B4GALT1: variants seen among roughly 807,000 people sequenced by gnomAD.
B4GALT1 encodes N-acetyllactosamine synthase.
In B4GALT1, 16 loss-of-function variants were observed where a neutral mutation model predicts 34.9. That is an observed-to-expected ratio of 0.46 (90% CI 0.31 to 0.70). The LOEUF is 0.70. B4GALT1 is among the 30% of genes least tolerant of loss of function. The probability of loss-of-function intolerance (pLI) is 0.05; values close to 1 mark genes in which losing one functional copy is unlikely to be tolerated. For synonymous variants in B4GALT1, 221 were observed against 218.1 expected, an observed-to-expected ratio of 1.01 and a Z score of -0.12; for missense variants, 445 against 530.5, an observed-to-expected ratio of 0.84 and a Z score of 1.58.
intron 1 of B4GALT1, among the ~76,000 whole-genome samples, chr9:33,165,702 C>T (rs1268412502): frequency 6.6e-6 from 1 of 152,176 alleles, no homozygotes; most frequent in Non-Finnish European, 1.5e-5. Context: ...TTATCTAAAA[C>T]CTAGCATTAG....
chr9:33,154,145 TATACACC>T lies in B4GALT1; in HGVS notation c.412+12606_412+12612del, dbSNP rs1353976761. ...CAATCCAGCAACAAATAAAAAGAAT[TATACACC>T]ATGACCAAGTGGGATTTATCCCAGG... On this transcript the variant is annotated intron_variant, in intron 1 of 5. Transcript: ENST00000379731. Among the ~76,000 whole-genome samples the T allele has an allele frequency of 2.0e-5, 3 of 152,164 alleles. No homozygotes were observed. The East Asian group carries it at 5.8e-4, about 29-fold the overall frequency.
intron 1 of B4GALT1, among the ~76,000 whole-genome samples, chr9:33,136,814 C>T (rs778386110): frequency 2.0e-5 from 3 of 152,232 alleles, no homozygotes; most frequent in Non-Finnish European, 2.9e-5. Flanking sequence ...AAACCTGAAA[C>T]ATGCTGGTGA....
intron 1 of B4GALT1, among the ~76,000 whole-genome samples, chr9:33,148,146 T>C (rs1365382726): frequency 2.0e-5 from 3 of 152,016 alleles, no homozygotes; most frequent in Non-Finnish European, 4.4e-5. Context: ...CCTGCATATC[T>C]TCAAGAAAAA....
chr9:33,134,885 G>A (rs189225939), intron 2 of B4GALT1, among the ~76,000 whole-genome samples: 8 of 152,326 alleles, frequency 5.3e-5, no homozygotes, highest in African/African-American at 1.9e-4. Context: ...TAATCAGTGT[G>A]TACTTTGGAA....
At chr9:33,152,309 AATAACATAAC>A (rs370702963) in intron 1 of B4GALT1, among the ~76,000 whole-genome samples, 4,660 of 122,010 alleles carry the variant, frequency 0.038, 124 homozygotes, top group African/African-American at 0.063. Context: ...CTCTCCAAAA[AATAACATAAC>A]ATAACATAAC....
At chr9:33,136,983 C>T (rs913950391) in intron 1 of B4GALT1, among the ~76,000 whole-genome samples, 50 of 130,040 alleles carry the variant, frequency 3.8e-4, no homozygotes, top group Non-Finnish European at 5.1e-4. Context: ...AGATAGCTGC[C>T]ACTTCCACCC....
At chr9:33,131,710 C>T (rs1420082510) in intron 2 of B4GALT1, among the ~76,000 whole-genome samples, 1 of 152,190 alleles carries the variant, frequency 6.6e-6, no homozygotes, top group Non-Finnish European at 1.5e-5. Context: ...GGTTTATTTG[C>T]TCAACAAACA....
At chr9:33,133,766 G>A (rs546295584) in intron 2 of B4GALT1, among the ~76,000 whole-genome samples, 2 of 152,150 alleles carry the variant, frequency 1.3e-5, no homozygotes, top group African/African-American at 4.8e-5. Context: ...CTTGTAACAG[G>A]GCTTGTTCTG....
chr9:33,116,255 C>T (rs560582824), intron 3 of B4GALT1, 142 bp from the exon 4 acceptor site: 19 of 1,101,436 alleles, frequency 1.7e-5, no homozygotes, highest in Admixed American at 9.2e-5. Flanking sequence ...TTTTTTGAGA[C>T]GTAGTCTTGC....
In B4GALT1 at chr9:33,134,864, A is replaced by T. The variant is rs62544384; in HGVS notation, c.648+325T>A. Among the ~76,000 whole-genome samples, 6,225 of 152,328 alleles carry T rather than the reference A, an allele frequency of 0.041. 163 individuals carry two copies. Among genetic ancestry groups the T allele is most frequent in the Non-Finnish European group, 0.062 (4,238 of 68,018 alleles). ...TAAAAGGAAAATACACAGCTACACA[A>T]AGCCAGGGAATAATCAGTGTGTACT... On this transcript the variant is annotated intron_variant, in intron 2 of 5. Coordinates refer to ENST00000379731, the MANE Select transcript of B4GALT1 (RefSeq NM_001497.4).
the B4GALT1 span, among the ~76,000 whole-genome samples, chr9:33,181,937 G>A: frequency 2.0e-5 from 3 of 148,604 alleles, no homozygotes; most frequent in Non-Finnish European, 4.4e-5. Context: ...GCAGGGACAG[G>A]CTTCTTCTTC....
At chr9:33,177,176 A>G in the B4GALT1 span, among the ~76,000 whole-genome samples, 3 of 152,160 alleles carry the variant, frequency 2.0e-5, no homozygotes, top group Admixed American at 6.5e-5. Flanking sequence ...TTTTGCCTAG[A>G]AATCTCCATA....
At position 33,112,961 on chromosome 9, in the gene B4GALT1, G is replaced by C. The variant is rs181621586; in HGVS notation, c.*493C>G. 18 of 244,214 alleles carry C rather than the reference G, an allele frequency of 7.4e-5. No homozygotes were observed. The highest frequency in any genetic ancestry group is 4.1e-4 in the African/African-American group (18 of 43,952). 15.1% of individuals were successfully genotyped at this position (244,214 alleles called of 1,614,324 possible). A position where few individuals can be genotyped will look rare whatever the true frequency, so the allele number is the denominator to read the frequency against. The stretch of plus-strand genomic sequence containing the variant: ...AGTGGTTGCATACCACTGAAAGAAG[G>C]GGGTGGGGGGAGGACGTAACATTAA... On this transcript the variant is annotated 3_prime_UTR_variant, in exon 6 of 6. Coordinates refer to ENST00000379731, the MANE Select transcript of B4GALT1 (RefSeq NM_001497.4).
At chr9:33,150,150 TACAC>T (rs1554687988) in intron 1 of B4GALT1, among the ~76,000 whole-genome samples, 4 of 119,836 alleles carry the variant, frequency 3.3e-5, no homozygotes, top group African/African-American at 1.3e-4. Context: ...TATAGATATA[TACAC>T]ACACACATAT....
Position 33,113,557 on chromosome 9 carries a change from G to A in B4GALT1, c.1094C>T (p.Thr365Ile). The A allele has an allele frequency of 1.9e-6, 3 of 1,614,238 alleles. No homozygotes were observed. Among genetic ancestry groups the A allele is most frequent in the Non-Finnish European group, 1.7e-6 (2 of 1,180,054 alleles). Residue 365 changes from threonine (T) to isoleucine (I), a missense_variant, in exon 6 of 6, where the codon ACA (threonine) becomes ATA (isoleucine). Around this residue, in one of 3 missense-constraint regions of B4GALT1, gnomAD observed 89 missense variants for 107.6 expected, o/e 0.83. Coordinates refer to ENST00000379731, the MANE Select transcript of B4GALT1 (RefSeq NM_001497.4). ...RFDRIAHTKETMLSDGLNSLT... is the reference protein window; with the variant it reads ...RFDRIAHTKEIMLSDGLNSLT... The stretch of plus-strand genomic sequence containing the variant: ...TGAGTTCAAACCATCAGAGAGCATT[G>A]TCTCCTTTGTGTGTGCAATTCGGTC...
chr9:33,164,880 T>C (rs1009408841), intron 1 of B4GALT1, among the ~76,000 whole-genome samples: 1 of 152,168 alleles, frequency 6.6e-6, no homozygotes, highest in South Asian at 2.1e-4. Flanking sequence ...CAGAGCCATT[T>C]CTGTGGGAGT....
At chr9:33,170,660 G>A (rs1217260959), upstream of B4GALT1, among the ~76,000 whole-genome samples, 1 of 152,188 alleles carries the variant, frequency 6.6e-6, no homozygotes, top group Non-Finnish European at 1.5e-5. Flanking sequence ...AGAGTCCACT[G>A]AGGCCTGAGC....
chr9:33,152,531 A>T (rs1456862462), intron 1 of B4GALT1, among the ~76,000 whole-genome samples: 1 of 150,140 alleles, frequency 6.7e-6, no homozygotes, highest in East Asian at 1.9e-4. Context: ...GAAAAAGGGT[A>T]AAAAAAAATG....
downstream of B4GALT1, chr9:33,108,569 A>C (rs1448920795): frequency 6.6e-6 from 1 of 151,982 alleles, no homozygotes; most frequent in Non-Finnish European, 1.5e-5. Context: ...AGGTATTCTG[A>C]CCTCTCATAG....
Sources: allele counts gnomAD v4.1 joint callset (sites outside exome capture counted in the v4.1 genomes callset), GRCh38; gene constraint gnomAD v4.1.1; regional missense constraint gnomAD v4.1.1; transcripts MANE v1.5; gene names NCBI Gene and HGNC (gene_info 2026-07-23, HGNC 2026-07-21).